ANO1: variants seen among roughly 807,000 people sequenced by gnomAD.
ANO1 encodes the protein anoctamin 1.
A neutral mutation model predicts 124.0 loss-of-function variants in ANO1; 59 were observed. That is an observed-to-expected ratio of 0.48 (90% CI 0.39 to 0.59). The LOEUF (loss-of-function observed/expected upper bound fraction) is 0.59. Ranked by LOEUF, ANO1 falls within the 20% of genes least tolerant of loss-of-function variation. The probability of loss-of-function intolerance (pLI) is 0.00; values close to 1 mark genes in which losing one functional copy is unlikely to be tolerated. For missense variants in ANO1, 1,059 were observed against 1,328.0 expected (o/e 0.80, Z 3.15); for synonymous variants, 529 against 532.0 (o/e 0.99, Z 0.08).
At chr11:70,076,495 C>T (rs1290900833), upstream of ANO1, among the ~76,000 whole-genome samples, 1 of 151,968 alleles carries the variant, frequency 6.6e-6, no homozygotes, top group Non-Finnish European at 1.5e-5. Context: ...GGCACTCGAA[C>T]ACAAATTTGA....
intron 1 of ANO1, among the ~76,000 whole-genome samples, chr11:70,085,926 G>A (rs972906096): frequency 6.6e-5 from 10 of 152,226 alleles, no homozygotes; most frequent in African/African-American, 2.2e-4. Context: ...TGGTGCAGCC[G>A]GAAGCTGCCC....
intron 23 of ANO1, among the ~76,000 whole-genome samples, chr11:70,181,051 T>TAGCTGTGCCC (rs1430467816): frequency 2.6e-5 from 4 of 152,132 alleles, no homozygotes; most frequent in Non-Finnish European, 4.4e-5. Flanking sequence ...TCCCCGGGTT[T>TAGCTGTGCCC]AGCTGTGCCC....
At chr11:70,114,344 G>T (rs1420571524) in intron 7 of ANO1, among the ~76,000 whole-genome samples, 2 of 152,232 alleles carry the variant, frequency 1.3e-5, no homozygotes, top group African/African-American at 2.4e-5. Context: ...CGCCCGTGCT[G>T]CTAAGTACCA....
intron 22 of ANO1, among the ~76,000 whole-genome samples, chr11:70,179,173 G>A (rs1378280276): frequency 6.6e-6 from 1 of 152,216 alleles, no homozygotes; most frequent in Non-Finnish European, 1.5e-5. Context: ...ACGAGTGCTG[G>A]TTATCACCCA....
chr11:69,980,537 C>T, the ANO1 span, among the ~76,000 whole-genome samples: 6 of 151,644 alleles, frequency 4.0e-5, no homozygotes, highest in African/African-American at 9.7e-5. Flanking sequence ...AGGAGAATGG[C>T]GTGAACCCAG....
Position 70,126,106 on chromosome 11 carries a change from C to T in ANO1, c.1008C>T (p.Gly336=), listed in dbSNP as rs201448245. Residue 336 remains glycine (G), a synonymous_variant, in exon 10 of 26, where the codon GGC becomes GGT. Coordinates refer to ENST00000355303, the MANE Select transcript of ANO1 (RefSeq NM_018043.7). ...EKIGLYFAWL[G]VYTQMLIPAS... ...TCGGCCTGTACTTCGCCTGGCTGGG[C>T]GTGTACACCCAGATGCTCATCCCTG... is the stretch of plus-strand genomic sequence containing the variant. 89 of 1,613,264 alleles carry T rather than the reference C, an allele frequency of 5.5e-5. No individual in the cohort carries two copies. In the African/African-American group the frequency reaches 9.6e-4, roughly 17 times the overall value.
chr11:69,969,032 T>C, the ANO1 span, among the ~76,000 whole-genome samples: 1 of 152,160 alleles, frequency 6.6e-6, no homozygotes, highest in African/African-American at 2.4e-5. Context: ...CAGTTAGATA[T>C]GTGGCAGTCA....
chr11:70,163,594 GTTTTC>G, intron 19 of ANO1: 1 of 601,504 alleles, frequency 1.7e-6, no homozygotes, highest in Non-Finnish European at 2.9e-6. Flanking sequence ...ACAACATCTG[GTTTTC>G]TTTTCTTTTT....
chr11:70,054,439 A>G (rs929381890), intron 1 of ANO1, among the ~76,000 whole-genome samples: 1 of 152,232 alleles, frequency 6.6e-6, no homozygotes, highest in South Asian at 2.1e-4. Context: ...GGGTAGTGAA[A>G]GTGGGTGGCA....
chr11:70,167,459 G>A, intron 21 of ANO1, 72 bp downstream of exon 21: 8 of 1,525,378 alleles, frequency 5.2e-6, no homozygotes, highest in Non-Finnish European at 7.1e-6. Flanking sequence ...GAGTGGGGAA[G>A]GGCTGCAGGG....
intron 5 of ANO1, 128 bp from the exon 6 acceptor site, chr11:70,108,225 G>A (rs1482067124): frequency 2.4e-6 from 2 of 820,582 alleles, no homozygotes; most frequent in African/African-American, 3.4e-5. Flanking sequence ...GTCTTTCCTT[G>A]GAAGATAGCA....
intron 1 of ANO1, among the ~76,000 whole-genome samples, chr11:70,003,808 T>C (rs556216802): frequency 6.6e-6 from 1 of 152,182 alleles, no homozygotes; most frequent in South Asian, 2.1e-4. Flanking sequence ...CTGTTTCACA[T>C]AGAACAGTGA....
intron 23 of ANO1, among the ~76,000 whole-genome samples, chr11:70,181,208 G>A (rs1400622784): frequency 1.3e-5 from 2 of 152,212 alleles, no homozygotes; most frequent in African/African-American, 4.8e-5. Flanking sequence ...GCCAAAAGTT[G>A]ACACCATGCA....
At chr11:70,172,295 G>A (rs905604402) in intron 22 of ANO1, among the ~76,000 whole-genome samples, 5 of 151,972 alleles carry the variant, frequency 3.3e-5, no homozygotes, top group South Asian at 4.2e-4. Flanking sequence ...GGAGCCCCAC[G>A]CAGGCTTCCA....
intron 8 of ANO1, among the ~76,000 whole-genome samples, chr11:70,118,564 GGATGGATGGATA>G (rs1310220003): frequency 2.1e-5 from 3 of 140,010 alleles, no homozygotes; most frequent in Admixed American, 7.6e-5. Flanking sequence ...GATGGATAAT[GGATGGATGGATA>G]GATGGATGGA....
intron 18 of ANO1, among the ~76,000 whole-genome samples, chr11:70,162,561 C>T (rs2135716308): frequency 6.6e-6 from 1 of 152,226 alleles, no homozygotes; most frequent in Admixed American, 6.5e-5. Flanking sequence ...TGGAGCCATC[C>T]CAGGCTGCGG....
upstream of ANO1, among the ~76,000 whole-genome samples, chr11:69,981,171 C>T (rs1353478793): frequency 6.6e-6 from 1 of 152,206 alleles, no homozygotes; most frequent in Non-Finnish European, 1.5e-5. Flanking sequence ...GGACATGGAG[C>T]TTGGAAGACT....
chr11:70,186,222 G>A (rs1029174451), intron 25 of ANO1, among the ~76,000 whole-genome samples: 2 of 152,044 alleles, frequency 1.3e-5, no homozygotes, highest in Non-Finnish European at 2.9e-5. Flanking sequence ...AGGAGGCAGA[G>A]GTTGCAGTGA....
At chr11:70,173,969 T>C (rs373341129) in intron 22 of ANO1, among the ~76,000 whole-genome samples, 79 of 151,128 alleles carry the variant, frequency 5.2e-4, no homozygotes, top group African/African-American at 1.9e-3. Context: ...GGGGTCTCAC[T>C]CTGTTGCCCA....
Sources: allele counts gnomAD v4.1 joint callset (sites outside exome capture counted in the v4.1 genomes callset), GRCh38; gene constraint gnomAD v4.1.1; transcripts MANE v1.5; gene names NCBI Gene and HGNC (gene_info 2026-07-23, HGNC 2026-07-21).